Variants in PXDNL observed in about 807,000 individuals in gnomAD.
The protein encoded by PXDNL is peroxidasin like, also known as probable oxidoreductase PXDNL.
A neutral mutation model predicts 150.8 loss-of-function variants in PXDNL; 145 were observed. The observed-to-expected ratio is 0.96, with a 90% CI of 0.84 to 1.10. The LOEUF is 1.10. Ranked by LOEUF, PXDNL falls within the 50% of genes least tolerant of loss-of-function variation. The pLI is 0.00. For synonymous variants in PXDNL, 757 were observed against 725.7 expected (o/e 1.04, Z -0.69); for missense variants, 2,087 against 1,873.9 (o/e 1.11, Z -2.10).
At chr8:51,423,255 C>T (rs1809003538) in intron 14 of PXDNL, among the ~76,000 whole-genome samples, 1 of 152,204 alleles carries the variant, frequency 6.6e-6, no homozygotes, top group Non-Finnish European at 1.5e-5. Flanking sequence ...TATGCTTCCA[C>T]CTCCGGCTCC....
Position 51,409,378 on chromosome 8 carries a change from A to G in PXDNL, c.2246T>C (p.Phe749Ser), listed in dbSNP as rs1486208924. Residue 749 changes from phenylalanine to serine, a missense_variant, in exon 17 of 23, where the codon TTC becomes TCC. By Grantham distance (155) the Phe-to-Ser change is radical (BLOSUM62 -2). Coordinates refer to ENST00000356297, the MANE Select transcript of PXDNL (RefSeq NM_144651.5). ...GTAGGCTGGCTGCAGCAGGCGCGCG[A>G]AGGCGGTCAGCGCCGCGCCCCACGT... Reference protein sequence around the residue: ...QPTWGAALTAFARLLQPAYRD... With the variant: ...QPTWGAALTASARLLQPAYRD... The G allele has an allele frequency of 6.3e-7, 1 of 1,583,984 alleles. No individual in the cohort carries two copies. The highest frequency in any genetic ancestry group is 8.6e-7 in the Non-Finnish European group (1 of 1,167,826).
In PXDNL at chr8:51,490,883, A is replaced by G. The variant is rs1435936577; in HGVS notation, c.453-7169T>C. 2.0e-5 allele frequency among the ~76,000 whole-genome samples: 3 copies of G among 152,084 alleles called. No homozygotes were observed. In the East Asian group the frequency reaches 5.8e-4, roughly 29 times the overall value. Reference sequence around the variant, plus strand: ...TACCTAGCTGTGATGGTTAATACTGAGTGTTAATTTGATTGGATTGAAGGC... The same window carrying G: ...TACCTAGCTGTGATGGTTAATACTGGGTGTTAATTTGATTGGATTGAAGGC... On this transcript the variant is annotated intron_variant, in intron 5 of 22. Transcript: ENST00000356297.
intron 1 of PXDNL, among the ~76,000 whole-genome samples, chr8:51,797,844 A>G (rs1372616053): frequency 6.6e-6 from 1 of 152,248 alleles, no homozygotes; most frequent in East Asian, 1.9e-4. Context: ...TTCATTTGGA[A>G]CCAAAAAAGA....
intron 3 of PXDNL, among the ~76,000 whole-genome samples, chr8:51,577,563 T>TCA (rs1813082947): frequency 7.0e-6 from 1 of 143,602 alleles, no homozygotes; most frequent in Non-Finnish European, 1.5e-5. Flanking sequence ...TACATATATT[T>TCA]TATATATATA....
chr8:51,750,952 A>G (rs1251364829), intron 1 of PXDNL, among the ~76,000 whole-genome samples: 1 of 152,242 alleles, frequency 6.6e-6, no homozygotes, highest in African/African-American at 2.4e-5. Flanking sequence ...GACAAAAGTT[A>G]CAAATGCTTT....
intron 17 of PXDNL, among the ~76,000 whole-genome samples, chr8:51,386,218 G>A (rs1807704476): frequency 6.6e-6 from 1 of 151,874 alleles, no homozygotes; most frequent in Non-Finnish European, 1.5e-5. Flanking sequence ...TCAGCCTCCG[G>A]AGTAGCTGGG....
At chr8:51,323,263 G>A (rs532892137) in intron 21 of PXDNL, among the ~76,000 whole-genome samples, 71 of 152,182 alleles carry the variant, frequency 4.7e-4, no homozygotes, top group African/African-American at 1.6e-3. Flanking sequence ...TTATTTAAGG[G>A]AAATAGTTTT....
At chr8:51,630,594 C>T (rs915340425) in intron 2 of PXDNL, among the ~76,000 whole-genome samples, 10 of 151,840 alleles carry the variant, frequency 6.6e-5, no homozygotes, top group African/African-American at 2.2e-4. Flanking sequence ...ACCAAGCAAA[C>T]CACAAACAAC....
At chr8:51,728,656 G>T (rs79020764) in intron 1 of PXDNL, among the ~76,000 whole-genome samples, 7,835 of 152,126 alleles carry the variant, frequency 0.052, 220 homozygotes, top group African/African-American at 0.076. Flanking sequence ...AAATATGTTT[G>T]TACAGCTGTA....
At chr8:51,758,683 C>T (rs1018425400) in intron 1 of PXDNL, among the ~76,000 whole-genome samples, 1 of 152,190 alleles carries the variant, frequency 6.6e-6, no homozygotes. Context: ...TTCCTGCCAC[C>T]TTGTGAAGAA....
intron 1 of PXDNL, among the ~76,000 whole-genome samples, chr8:51,792,770 C>T (rs1343146581): frequency 6.6e-6 from 1 of 152,186 alleles, no homozygotes; most frequent in Non-Finnish European, 1.5e-5. Context: ...CCTCACTGGG[C>T]GGGGCCTCCC....
At chr8:51,442,265 TA>T (rs1485672701) in intron 12 of PXDNL, among the ~76,000 whole-genome samples, 1 of 150,420 alleles carries the variant, frequency 6.6e-6, no homozygotes, top group Admixed American at 6.7e-5. Flanking sequence ...ACATTTTAAT[TA>T]TTGTAGGTTT....
chr8:51,608,386 C>CAA (rs760838357), intron 2 of PXDNL, among the ~76,000 whole-genome samples: 21 of 75,428 alleles, frequency 2.8e-4, no homozygotes, highest in African/African-American at 5.6e-4. Flanking sequence ...GAGACTCCGT[C>CAA]AAAAAAAAAA....
intron 1 of PXDNL, among the ~76,000 whole-genome samples, chr8:51,694,779 G>A (rs1816080799): frequency 6.6e-6 from 1 of 152,130 alleles, no homozygotes; most frequent in Non-Finnish European, 1.5e-5. Flanking sequence ...TAAACAAACA[G>A]ACAATGAGCT....
At chr8:51,357,240 C>T (rs1487425300) in intron 19 of PXDNL, among the ~76,000 whole-genome samples, 2 of 152,168 alleles carry the variant, frequency 1.3e-5, no homozygotes, top group Non-Finnish European at 2.9e-5. Context: ...TATAAGTATA[C>T]TGGTTTTCTC....
At chr8:51,423,049 G>T (rs768979559) in intron 14 of PXDNL, among the ~76,000 whole-genome samples, 3 of 152,204 alleles carry the variant, frequency 2.0e-5, no homozygotes, top group Non-Finnish European at 4.4e-5. Flanking sequence ...GAGGGTTCCA[G>T]CTATATAACC....
intron 1 of PXDNL, among the ~76,000 whole-genome samples, chr8:51,790,715 G>A (rs4615560): frequency 0.36 from 30,073 of 83,484 alleles, 4,724 homozygotes; most frequent in East Asian, 0.52. Context: ...GGCGAGGTCC[G>A]GATGGGCCCA....
intron 4 of PXDNL, among the ~76,000 whole-genome samples, chr8:51,501,267 T>TACAC (rs1811169976): frequency 6.6e-6 from 1 of 152,046 alleles, no homozygotes; most frequent in South Asian, 2.1e-4. Context: ...CCTTGAATTA[T>TACAC]ACACACACTC....
chr8:51,403,915 T>G (rs1174718712), intron 17 of PXDNL, among the ~76,000 whole-genome samples: 1 of 152,210 alleles, frequency 6.6e-6, no homozygotes, highest in Non-Finnish European at 1.5e-5. Flanking sequence ...GTCCGGAGTT[T>G]GTTCCTTCTG....
Sources: gnomAD v4.1 joint callset for allele counts (sites outside exome capture counted in the v4.1 genomes callset) on GRCh38, gnomAD v4.1.1 for gene constraint, MANE v1.5 for transcripts, NCBI Gene and HGNC (gene_info 2026-07-23, HGNC 2026-07-21) for gene names.